The following RANBP2 variants were observed in gnomAD, a reference collection of about 807,000 sequenced individuals.
RANBP2 encodes the protein E3 SUMO-protein ligase RanBP2.
In RANBP2, 57 loss-of-function variants were observed where a neutral mutation model predicts 303.6. The observed-to-expected ratio is 0.19, with a 90% CI of 0.15 to 0.23. The LOEUF (loss-of-function observed/expected upper bound fraction) is 0.23. RANBP2 is among the 10% of genes least tolerant of loss of function. RANBP2 has a pLI of 1.00. For synonymous variants in RANBP2, 1,167 were observed against 1,301.5 expected, an observed-to-expected ratio of 0.90 and a Z score of 2.23; for missense variants, 3,138 against 3,780.8, an observed-to-expected ratio of 0.83 and a Z score of 4.46.
rs915141170 is a variant in RANBP2 at position 108,766,288 on chromosome 2, G to A, written c.5749G>A (p.Glu1917Lys). The A allele has an allele frequency of 2.5e-6, 4 of 1,612,056 alleles. No individual in the cohort carries two copies. The highest frequency in any genetic ancestry group is 2.7e-5 in the African/African-American group (2 of 74,862). ...AGAAAAGAAAAGTGAAAAGCCTCTT[G>A]AAAATGGTACTGGCTTCCAGGCTCA... is the stretch of plus-strand genomic sequence containing the variant. ...NQEKKSEKPL[E>K]NGTGFQAQDI... The change falls in exon 20 of 29, where the codon GAA becomes AAA. Residue 1917 changes from glutamate to lysine, a missense_variant. This residue lies in a region of RANBP2 where 348 missense variants were observed against 360.4 expected (regional missense o/e 0.97). Coordinates refer to ENST00000283195, the MANE Select transcript of RANBP2 (RefSeq NM_006267.5).
At chr2:109,151,501 G>A in the RANBP2 span, among the ~76,000 whole-genome samples, 1 of 152,198 alleles carries the variant, frequency 6.6e-6, no homozygotes, top group Non-Finnish European at 1.5e-5. Flanking sequence ...GTCACAAATG[G>A]TAAAAAGAAA....
the RANBP2 span, among the ~76,000 whole-genome samples, chr2:109,065,417 C>T: frequency 9.5e-4 from 145 of 152,190 alleles, no homozygotes; most frequent in South Asian, 3.5e-3. Context: ...TTGGGGCTGC[C>T]GACTCTGCAG....
chr2:109,518,658 A>AT, the RANBP2 span, among the ~76,000 whole-genome samples: 84 of 152,088 alleles, frequency 5.5e-4, no homozygotes, highest in African/African-American at 1.9e-3. Flanking sequence ...CTTTGTTGTA[A>AT]TTTTTTTTAA....
At chr2:109,075,414 C>T in the RANBP2 span, among the ~76,000 whole-genome samples, 2,287 of 150,110 alleles carry the variant, frequency 0.015, 100 homozygotes, top group East Asian at 0.042. Flanking sequence ...TAAGTAGAGA[C>T]GGGGTTTCAC....
the RANBP2 span, among the ~76,000 whole-genome samples, chr2:108,926,300 G>GC: frequency 3.9e-5 from 6 of 152,096 alleles, no homozygotes; most frequent in African/African-American, 1.4e-4. Context: ...TTTCTCCCTA[G>GC]CCCCCCAACC....
At chr2:109,307,562 A>G in the RANBP2 span, among the ~76,000 whole-genome samples, 2 of 127,196 alleles carry the variant, frequency 1.6e-5, no homozygotes, top group African/African-American at 6.0e-5. Context: ...TCCCAATGCT[A>G]TCCCTCCCCC....
the RANBP2 span, among the ~76,000 whole-genome samples, chr2:109,433,552 G>A: frequency 2.8e-3 from 426 of 152,334 alleles, 3 homozygotes; most frequent in African/African-American, 9.2e-3. Context: ...AGCGAAAGAC[G>A]TGGCCTTGGG....
chr2:109,639,805 G>A, the RANBP2 span, among the ~76,000 whole-genome samples: 1 of 150,884 alleles, frequency 6.6e-6, no homozygotes, highest in African/African-American at 2.4e-5. Flanking sequence ...CCACCTCCTG[G>A]GTTCAGACAA....
the RANBP2 span, among the ~76,000 whole-genome samples, chr2:109,261,795 G>T: frequency 2.0e-4 from 31 of 152,256 alleles, no homozygotes; most frequent in Admixed American, 1.2e-3. Context: ...TGGGAGGTGG[G>T]TCACCCTACT....
At chr2:109,060,166 C>T in the RANBP2 span, among the ~76,000 whole-genome samples, 1 of 152,244 alleles carries the variant, frequency 6.6e-6, no homozygotes, top group South Asian at 2.1e-4. Flanking sequence ...CGCGCCACTG[C>T]ACTCCAGCCT....
At chr2:109,104,746 G>C in the RANBP2 span, among the ~76,000 whole-genome samples, 2 of 152,184 alleles carry the variant, frequency 1.3e-5, no homozygotes, top group Admixed American at 6.5e-5. Flanking sequence ...GCCTCCCAAA[G>C]TGCTGGGATT....
At chr2:109,200,883 T>G in the RANBP2 span, among the ~76,000 whole-genome samples, 1 of 152,226 alleles carries the variant, frequency 6.6e-6, no homozygotes. Flanking sequence ...GTTTCCTATG[T>G]GCTGTTTCAT....
chr2:109,640,854 A>G, the RANBP2 span, among the ~76,000 whole-genome samples: 64,855 of 151,996 alleles, frequency 0.43, 14,843 homozygotes, highest in Middle Eastern at 0.59. Context: ...ACCGAATCCT[A>G]TGACTGAGTG....
the RANBP2 span, among the ~76,000 whole-genome samples, chr2:108,847,309 C>T: frequency 6.6e-6 from 1 of 152,218 alleles, no homozygotes; most frequent in South Asian, 2.1e-4. Context: ...GAAGTTTTCT[C>T]CCACAACCAT....
chr2:109,616,065 T>C, the RANBP2 span: 6 of 1,500,686 alleles, frequency 4.0e-6, no homozygotes, highest in Non-Finnish European at 5.3e-6. Context: ...TGTATTTGGG[T>C]AAAAATTGCT....
the RANBP2 span, among the ~76,000 whole-genome samples, chr2:109,098,188 G>T: frequency 1.3e-5 from 2 of 152,202 alleles, no homozygotes; most frequent in South Asian, 2.1e-4. Context: ...AAATCTGCCT[G>T]CTCTGGCTAA....
At chr2:108,778,263 T>G (rs1352990855) in intron 25 of RANBP2, among the ~76,000 whole-genome samples, 1 of 152,208 alleles carries the variant, frequency 6.6e-6, no homozygotes. Flanking sequence ...TAAATAAGCC[T>G]TATGCATTAA....
At chr2:109,343,819 A>G in the RANBP2 span, among the ~76,000 whole-genome samples, 1 of 149,902 alleles carries the variant, frequency 6.7e-6, no homozygotes, top group African/African-American at 2.5e-5. Flanking sequence ...ATCATTGCTC[A>G]CTGCAGCCTC....
the RANBP2 span, among the ~76,000 whole-genome samples, chr2:109,253,175 G>C: frequency 6.6e-6 from 1 of 152,056 alleles, no homozygotes; most frequent in African/African-American, 2.4e-5. Context: ...TTACAGCTAC[G>C]TGCCACCATG....
Sources: allele counts gnomAD v4.1 joint callset (sites outside exome capture counted in the v4.1 genomes callset), GRCh38; gene constraint gnomAD v4.1.1; regional missense constraint gnomAD v4.1.1; transcripts MANE v1.5; gene names NCBI Gene and HGNC (gene_info 2026-07-23, HGNC 2026-07-21).